PPM1H: variants seen among roughly 807,000 people sequenced by gnomAD.
The protein encoded by PPM1H is protein phosphatase 1H.
In PPM1H, 27 loss-of-function variants were observed where a neutral mutation model predicts 54.9. The observed-to-expected ratio is 0.49, with a 90% CI of 0.36 to 0.68. PPM1H has a LOEUF of 0.68. Ranked by LOEUF, PPM1H falls within the 30% of genes least tolerant of loss-of-function variation. The pLI is 0.00. For missense variants in PPM1H, 596 were observed against 667.8 expected, an observed-to-expected ratio of 0.89 and a Z score of 1.19; for synonymous variants, 305 against 270.8, an observed-to-expected ratio of 1.13 and a Z score of -1.24.
intron 1 of PPM1H, among the ~76,000 whole-genome samples, chr12:62,925,354 G>A (rs1871941790): frequency 6.6e-6 from 1 of 152,134 alleles, no homozygotes; most frequent in Non-Finnish European, 1.5e-5. Context: ...CAAGGTGGGT[G>A]CATTACTTGA....
chr12:62,875,057 G>C (rs1870112420), intron 1 of PPM1H, among the ~76,000 whole-genome samples: 1 of 152,194 alleles, frequency 6.6e-6, no homozygotes, highest in South Asian at 2.1e-4. Context: ...CTGCCTCCAG[G>C]GCAGCAGATG....
At chr12:62,818,153 G>A (rs187935599) in intron 2 of PPM1H, among the ~76,000 whole-genome samples, 10 of 152,222 alleles carry the variant, frequency 6.6e-5, no homozygotes, top group South Asian at 4.2e-4. Flanking sequence ...TCCCACCCAC[G>A]CATCTTATGT....
chr12:62,871,909 G>T (rs1490441542), intron 1 of PPM1H, among the ~76,000 whole-genome samples: 2 of 152,160 alleles, frequency 1.3e-5, no homozygotes, highest in African/African-American at 4.8e-5. Context: ...ATGGCACAGG[G>T]CAGGTCTGTG....
intron 4 of PPM1H, among the ~76,000 whole-genome samples, chr12:62,782,033 A>AT (rs2076645901): frequency 6.6e-6 from 1 of 152,072 alleles, no homozygotes; most frequent in Admixed American, 6.5e-5. Context: ...TTTTTCTGTT[A>AT]TTTTTCAAAT....
intron 1 of PPM1H, among the ~76,000 whole-genome samples, chr12:62,838,334 T>TGG (rs1390428033): frequency 6.4e-5 from 6 of 94,414 alleles, no homozygotes; most frequent in South Asian, 4.8e-4. Flanking sequence ...AGTGTGTGTG[T>TGG]GTGTGGGGGG....
chr12:62,911,376 A>C (rs1394335498), intron 1 of PPM1H, among the ~76,000 whole-genome samples: 1 of 152,220 alleles, frequency 6.6e-6, no homozygotes, highest in Middle Eastern at 3.2e-3. Flanking sequence ...TTTTAAATTA[A>C]AGGTAGAGCT....
In PPM1H at chr12:62,689,676, TAAAC is replaced by T; in HGVS notation, c.1245+19_1245+22del. Reference sequence around the variant, plus strand: ...CGAAAATGTTTTATTGCACAAAATATAAACAAAAACCTCATGCGGTACCTCTGGA... The same window carrying T: ...CGAAAATGTTTTATTGCACAAAATATAAAAACCTCATGCGGTACCTCTGGA... On this transcript the variant is annotated intron_variant, in intron 8 of 9. Coordinates refer to ENST00000228705, the MANE Select transcript of PPM1H (RefSeq NM_020700.2). The T allele has an allele frequency of 6.3e-7, 1 of 1,584,988 alleles. No homozygotes were observed. Among genetic ancestry groups the T allele is most frequent in the Non-Finnish European group, 8.6e-7 (1 of 1,156,390 alleles).
chr12:62,911,823 T>G (rs980432469), intron 1 of PPM1H, among the ~76,000 whole-genome samples: 2 of 152,182 alleles, frequency 1.3e-5, no homozygotes, highest in African/African-American at 4.8e-5. Context: ...CCAAGAAAAC[T>G]TCCCCCAAAC....
intron 9 of PPM1H, among the ~76,000 whole-genome samples, chr12:62,666,771 T>G (rs1322710485): frequency 6.6e-6 from 1 of 152,128 alleles, no homozygotes; most frequent in Non-Finnish European, 1.5e-5. Flanking sequence ...TAGAGTGCAG[T>G]GGTGCAGTCT....
chr12:62,837,175 A>T (rs765199950), intron 1 of PPM1H, among the ~76,000 whole-genome samples: 8 of 152,236 alleles, frequency 5.3e-5, no homozygotes, highest in Non-Finnish European at 1.2e-4. Flanking sequence ...ATTTCAGCAG[A>T]AAAGTCTTGC....
intron 9 of PPM1H, among the ~76,000 whole-genome samples, chr12:62,648,863 C>T (rs941739614): frequency 6.6e-6 from 1 of 152,216 alleles, no homozygotes; most frequent in Admixed American, 6.5e-5. Flanking sequence ...TAGATAATGT[C>T]TTACATTATT....
chr12:62,909,830 C>T (rs1305835158), intron 1 of PPM1H, among the ~76,000 whole-genome samples: 2 of 152,160 alleles, frequency 1.3e-5, no homozygotes, highest in Non-Finnish European at 2.9e-5. Flanking sequence ...CACCTTCGCA[C>T]GTGGCAGTGA....
intron 1 of PPM1H, among the ~76,000 whole-genome samples, chr12:62,904,696 G>C (rs1871256611): frequency 6.6e-6 from 1 of 152,156 alleles, no homozygotes; most frequent in Non-Finnish European, 1.5e-5. Context: ...ACATTTTAAA[G>C]CTACGGAGGT....
At chr12:62,724,281 TA>T (rs1469745601) in intron 5 of PPM1H, among the ~76,000 whole-genome samples, 1 of 152,246 alleles carries the variant, frequency 6.6e-6, no homozygotes, top group African/African-American at 2.4e-5. Flanking sequence ...TCTTTTGTTA[TA>T]GGGGCATCAG....
intron 3 of PPM1H, among the ~76,000 whole-genome samples, chr12:62,789,501 A>T (rs2076691997): frequency 1.3e-5 from 2 of 152,162 alleles, no homozygotes; most frequent in African/African-American, 4.8e-5. Context: ...ACTTCAAATG[A>T]CTTATAGGGC....
At chr12:62,860,900 T>C (rs1034538985) in intron 1 of PPM1H, among the ~76,000 whole-genome samples, 2 of 152,212 alleles carry the variant, frequency 1.3e-5, no homozygotes, top group African/African-American at 2.4e-5. Context: ...GAAACTGCAC[T>C]GTCTCTTATT....
intron 9 of PPM1H, among the ~76,000 whole-genome samples, chr12:62,662,118 C>T (rs913791272): frequency 2.6e-5 from 4 of 152,180 alleles, no homozygotes; most frequent in South Asian, 2.1e-4. Context: ...GGCATGTGCA[C>T]GCTGCCCACA....
intron 1 of PPM1H, among the ~76,000 whole-genome samples, chr12:62,887,523 A>T (rs1243567268): frequency 6.6e-6 from 1 of 152,188 alleles, no homozygotes; most frequent in African/African-American, 2.4e-5. Context: ...TTCACTTGAC[A>T]TATTTATTAA....
chr12:62,704,902 G>A (rs1049762309), intron 6 of PPM1H, among the ~76,000 whole-genome samples: 2 of 152,136 alleles, frequency 1.3e-5, no homozygotes, highest in Non-Finnish European at 2.9e-5. Context: ...CTATCAGCAC[G>A]CCTGAGCCAG....
Sources: gnomAD v4.1 joint callset for allele counts (sites outside exome capture counted in the v4.1 genomes callset) on GRCh38, gnomAD v4.1.1 for gene constraint, MANE v1.5 for transcripts, NCBI Gene and HGNC (gene_info 2026-07-23, HGNC 2026-07-21) for gene names.